Variants in MOSMO observed in about 807,000 individuals in gnomAD.
The protein encoded by MOSMO is modulator of smoothened.
MOSMO carries 5 observed loss-of-function variants against 18.4 expected under a neutral mutation model. The ratio of observed to expected loss-of-function variants is 0.27; its 90% confidence interval spans 0.14 to 0.57. The LOEUF is 0.57. MOSMO is among the 20% of genes least tolerant of loss of function. The pLI, the probability that MOSMO is intolerant of heterozygous loss-of-function variation, is 0.92. For missense variants in MOSMO, 138 were observed against 211.8 expected (o/e 0.65, Z 2.16); for synonymous variants, 82 against 82.3 (o/e 1.00, Z 0.02).
intron 1 of MOSMO, among the ~76,000 whole-genome samples, chr16:22,013,250 T>A (rs541930894): frequency 2.8e-4 from 43 of 152,224 alleles, no homozygotes; most frequent in Non-Finnish European, 6.3e-4. Context: ...CACATGGTAG[T>A]GCTTTGCATG....
intron 1 of MOSMO, among the ~76,000 whole-genome samples, chr16:22,022,949 A>G (rs776329976): frequency 6.6e-6 from 1 of 152,198 alleles, no homozygotes; most frequent in Non-Finnish European, 1.5e-5. Flanking sequence ...ATGGACTAAG[A>G]CAGTAACCAA....
At chr16:22,071,791 G>T (rs924314756) in intron 1 of MOSMO, among the ~76,000 whole-genome samples, 3 of 152,130 alleles carry the variant, frequency 2.0e-5, no homozygotes, top group Admixed American at 2.0e-4. Flanking sequence ...TTGGGGAATG[G>T]AATTACAGGC....
rs572702015 is a variant in MOSMO, at chr16:22,020,554, C to G, written c.106+12147C>G. On this transcript the variant is annotated intron_variant, in intron 1 of 2. Coordinates refer to ENST00000542527, the MANE Select transcript of MOSMO (RefSeq NM_001164579.2). ...GGGTGATCCACCCGCATCGGCCTCC[C>G]AAAGTGCTGGGATTACAGGCGTGAG... Among the ~76,000 whole-genome samples, 4 of 152,196 alleles carry G rather than the reference C, an allele frequency of 2.6e-5. No individual in the cohort carries two copies. The South Asian group carries it at 6.2e-4, about 24-fold the overall frequency.
In MOSMO at chr16:22,026,793, G is replaced by T. The variant is rs375973040; in HGVS notation, c.106+18386G>T. ...CTTTGAAAAGGAGATGATTAAGGAA[G>T]AAAATATGTAAATAACTTGGGTACA... On this transcript the variant is annotated intron_variant, in intron 1 of 2. Transcript: ENST00000542527. Among the ~76,000 whole-genome samples, 4 of 152,336 alleles carry T rather than the reference G, an allele frequency of 2.6e-5. No individual in the cohort carries two copies. In the South Asian group the frequency reaches 6.2e-4, roughly 24 times the overall value.
At chr16:22,073,877 A>G (rs1323027867) in intron 1 of MOSMO, among the ~76,000 whole-genome samples, 7 of 152,084 alleles carry the variant, frequency 4.6e-5, no homozygotes. Flanking sequence ...GCACCTGGGC[A>G]GGGATCACCA....
intron 2 of MOSMO, among the ~76,000 whole-genome samples, chr16:22,077,010 C>T (rs1361235330): frequency 1.3e-5 from 2 of 152,074 alleles, no homozygotes; most frequent in African/African-American, 2.4e-5. Flanking sequence ...CAGAAGCAAT[C>T]GTAGAAACAG....
At chr16:22,034,329 A>G (rs957984629) in intron 1 of MOSMO, among the ~76,000 whole-genome samples, 4 of 152,170 alleles carry the variant, frequency 2.6e-5, no homozygotes, top group African/African-American at 4.8e-5. Flanking sequence ...TGTAGGTCCA[A>G]ATTTCTGACT....
chr16:22,023,368 G>A (rs1280886303), intron 1 of MOSMO, among the ~76,000 whole-genome samples: 2 of 152,156 alleles, frequency 1.3e-5, no homozygotes, highest in East Asian at 3.8e-4. Flanking sequence ...ATTTAGAATT[G>A]CACCATTAGT....
At chr16:22,078,467 G>A (rs1901015655) in intron 2 of MOSMO, among the ~76,000 whole-genome samples, 1 of 151,950 alleles carries the variant, frequency 6.6e-6, no homozygotes, top group Admixed American at 6.6e-5. Flanking sequence ...TAACAAATTT[G>A]GAAAATATTT....
At chr16:22,042,243 G>A (rs907011244) in intron 1 of MOSMO, among the ~76,000 whole-genome samples, 1 of 152,152 alleles carries the variant, frequency 6.6e-6, no homozygotes, top group Non-Finnish European at 1.5e-5. Context: ...CATAAGCATC[G>A]CTGAGCAGCA....
At chr16:22,032,230 C>T (rs1900009989) in intron 1 of MOSMO, among the ~76,000 whole-genome samples, 1 of 148,416 alleles carries the variant, frequency 6.7e-6, no homozygotes, top group Non-Finnish European at 1.5e-5. Flanking sequence ...CACTCTGTCA[C>T]CCTGGCTAGA....
chr16:22,012,274 A>T (rs568076739), intron 1 of MOSMO, among the ~76,000 whole-genome samples: 1 of 152,296 alleles, frequency 6.6e-6, no homozygotes, highest in Admixed American at 6.5e-5. Flanking sequence ...TCTAGACTTC[A>T]TCACTTCGTA....
In MOSMO at chr16:22,008,424, C is replaced by T. The variant is rs1325791613; in HGVS notation, c.106+17C>T. ...AGTCTGCGGGTGAGCCGCTGGCGCG[C>T]CGGGCCGGGCGGGGGATTGGCTGAG... On this transcript the variant is annotated intron_variant, in intron 1 of 2. Coordinates refer to ENST00000542527, the MANE Select transcript of MOSMO (RefSeq NM_001164579.2). The T allele has an allele frequency of 6.6e-7, 1 of 1,514,976 alleles. No homozygotes were observed. The highest frequency in any genetic ancestry group is 8.8e-7 in the Non-Finnish European group (1 of 1,130,130). 93.8% of individuals were successfully genotyped at this position (1,514,976 alleles called of 1,614,324 possible).
At chr16:22,014,082 A>C (rs12599696) in intron 1 of MOSMO, among the ~76,000 whole-genome samples, 18,124 of 152,188 alleles carry the variant, frequency 0.12, 1,330 homozygotes, top group South Asian at 0.28. Context: ...TTAACAATCC[A>C]GTCCCAGACA....
At chr16:22,028,862 ATGTT>A (rs1004414627) in intron 1 of MOSMO, among the ~76,000 whole-genome samples, 9 of 151,790 alleles carry the variant, frequency 5.9e-5, no homozygotes, top group African/African-American at 9.7e-5. Context: ...ACCCACTGCT[ATGTT>A]TGTTTGTTTG....
At chr16:22,072,823 A>AG (rs1437706042) in intron 1 of MOSMO, among the ~76,000 whole-genome samples, 3 of 151,682 alleles carry the variant, frequency 2.0e-5, no homozygotes, top group African/African-American at 7.3e-5. Flanking sequence ...AAAAAAAAAA[A>AG]GTGTATTGAT....
intron 1 of MOSMO, among the ~76,000 whole-genome samples, chr16:22,027,030 A>G (rs924488759): frequency 6.6e-6 from 1 of 152,232 alleles, no homozygotes; most frequent in Non-Finnish European, 1.5e-5. Context: ...GCTTTAAAAT[A>G]TAATTCTATG....
intron 1 of MOSMO, among the ~76,000 whole-genome samples, chr16:22,056,531 C>T (rs932848260): frequency 2.0e-5 from 3 of 150,794 alleles, no homozygotes; most frequent in Non-Finnish European, 3.0e-5. Flanking sequence ...CTACCACACC[C>T]GGTTAATTTT....
chr16:22,084,221 C>T lies in MOSMO; in HGVS notation c.*3341C>T, dbSNP rs1901131693. On this transcript the variant is annotated 3_prime_UTR_variant, in exon 3 of 3. Transcript: ENST00000542527. ...TGCATCATGGGCTTCATGGGAAGAA[C>T]ATGTTGCATTTATTTTGTCTTTATT... The T allele has an allele frequency of 6.6e-6, 1 of 152,530 alleles. No homozygotes were observed. Among genetic ancestry groups the T allele is most frequent in the Non-Finnish European group, 1.5e-5 (1 of 68,308 alleles). 9.4% of individuals were successfully genotyped at this position (152,530 alleles called of 1,614,324 possible).
Sources: gnomAD v4.1 joint callset for allele counts (sites outside exome capture counted in the v4.1 genomes callset) on GRCh38, gnomAD v4.1.1 for gene constraint, MANE v1.5 for transcripts, NCBI Gene and HGNC (gene_info 2026-07-23, HGNC 2026-07-21) for gene names.